The following CAB39 variants were observed in gnomAD, a reference collection of about 807,000 sequenced individuals.
CAB39 encodes calcium binding protein 39.
Under a neutral mutation model 40.0 loss-of-function variants are expected in CAB39, and 8 were observed. The observed-to-expected ratio is 0.20, with a 90% CI of 0.12 to 0.36. The LOEUF is 0.36. CAB39 is among the 10% of genes least tolerant of loss of function. The pLI is 1.00. For missense variants in CAB39, 270 were observed against 401.1 expected (o/e 0.67, Z 2.79); for synonymous variants, 156 against 141.6 (o/e 1.10, Z -0.72).
intron 1 of CAB39, among the ~76,000 whole-genome samples, chr2:230,759,218 TTC>T (rs1695247322): frequency 6.6e-6 from 1 of 152,178 alleles, no homozygotes; most frequent in Non-Finnish European, 1.5e-5. Context: ...CTGTCCAGGC[TTC>T]TCTCTAGCTC....
chr2:230,717,353 G>T (rs908698073), intron 1 of CAB39, among the ~76,000 whole-genome samples: 4 of 152,188 alleles, frequency 2.6e-5, no homozygotes, highest in Non-Finnish European at 5.9e-5. Flanking sequence ...TTGTATTAGA[G>T]CCTTCTTTAA....
intron 3 of CAB39, among the ~76,000 whole-genome samples, chr2:230,791,792 A>G (rs73995149): frequency 0.054 from 8,297 of 152,272 alleles, 776 homozygotes; most frequent in African/African-American, 0.19. Context: ...GGATCATGCT[A>G]TGTTAAATAT....
chr2:230,767,582 G>A (rs988261939), intron 2 of CAB39, among the ~76,000 whole-genome samples: 7 of 152,242 alleles, frequency 4.6e-5, no homozygotes, highest in African/African-American at 1.4e-4. Flanking sequence ...TATCAATCTC[G>A]TGAGCTAAGA....
intron 1 of CAB39, among the ~76,000 whole-genome samples, chr2:230,729,596 CA>C (rs1314904229): frequency 1.3e-5 from 2 of 151,624 alleles, no homozygotes; most frequent in Admixed American, 1.3e-4. Flanking sequence ...ACTAAAAATA[CA>C]AAAAAATCAG....
chr2:230,819,667 A>T lies in CAB39; in HGVS notation c.*963A>T, dbSNP rs1696471841. On this transcript the variant is annotated 3_prime_UTR_variant, in exon 9 of 9. Coordinates refer to ENST00000258418, the MANE Select transcript of CAB39 (RefSeq NM_016289.4). ...CATTTAAGTATCACAGCATTAAAAGAAAAAGAAAGTAAACCAGTCCTTTGT... is the reference window on the plus strand; with the variant it reads ...CATTTAAGTATCACAGCATTAAAAGTAAAAGAAAGTAAACCAGTCCTTTGT... 1 of 152,602 alleles carries T rather than the reference A, an allele frequency of 6.6e-6. No homozygotes were observed. The highest frequency in any genetic ancestry group is 2.1e-4 in the South Asian group (1 of 4,830). 9.5% of individuals were successfully genotyped at this position (152,602 alleles called of 1,614,324 possible).
rs184278166 is a variant in CAB39 at position 230,793,371 on chromosome 2, A to G, written c.398+40A>G. 5.6e-4 allele frequency: 563 copies of G among 998,230 alleles called. 2 individuals are homozygous for G. The highest frequency in any genetic ancestry group is 3.7e-3 in the African/African-American group (226 of 60,602). The allele number at this position is 998,230 out of a possible 1,614,324, so 61.8% of individuals were successfully genotyped here. A position where few individuals can be genotyped will look rare whatever the true frequency, so the allele number is the denominator to read the frequency against. ...ATAAAATTTGTATTCTCAGTTGAAC[A>G]TAAAGGAAGGATTGCCTTGGGAAAA... On this transcript the variant is annotated intron_variant, in intron 4 of 8. Coordinates refer to ENST00000258418, the MANE Select transcript of CAB39 (RefSeq NM_016289.4).
intron 1 of CAB39, among the ~76,000 whole-genome samples, chr2:230,723,402 T>C (rs1305591783): frequency 1.3e-5 from 2 of 152,174 alleles, no homozygotes; most frequent in Non-Finnish European, 1.5e-5. Flanking sequence ...ATGTTAAGGT[T>C]GAACCTCCCC....
At chr2:230,756,205 T>C (rs1254704312) in intron 1 of CAB39, among the ~76,000 whole-genome samples, 1 of 152,244 alleles carries the variant, frequency 6.6e-6, no homozygotes, top group East Asian at 1.9e-4. Flanking sequence ...TTTGTCATTG[T>C]GCAAACATCA....
intron 2 of CAB39, among the ~76,000 whole-genome samples, chr2:230,788,874 T>C (rs1484900844): frequency 6.6e-6 from 1 of 152,202 alleles, no homozygotes; most frequent in Non-Finnish European, 1.5e-5. Context: ...TGCCTTGGTA[T>C]TGTCTTCTTG....
intron 4 of CAB39, 55 bp from the exon 5 acceptor site, chr2:230,798,674 A>G: frequency 6.8e-7 from 1 of 1,477,266 alleles, no homozygotes; most frequent in South Asian, 1.3e-5. Context: ...TCAGTGTTGG[A>G]GTTTTGAAAA....
intron 1 of CAB39, among the ~76,000 whole-genome samples, chr2:230,758,264 C>T (rs182941591): frequency 7.8e-4 from 114 of 145,466 alleles, no homozygotes; most frequent in Admixed American, 2.7e-3. Flanking sequence ...GATTGCGCTG[C>T]TGCACTCCAA....
intron 2 of CAB39, among the ~76,000 whole-genome samples, chr2:230,788,311 A>G (rs1225472283): frequency 6.7e-6 from 1 of 150,204 alleles, no homozygotes; most frequent in Non-Finnish European, 1.5e-5. Flanking sequence ...ACTATAGTCT[A>G]TCTTCAGGAA....
At position 230,819,082 on chromosome 2, in the gene CAB39, G is replaced by T. The variant is rs1473584348; in HGVS notation, c.*378G>T. On this transcript the variant is annotated 3_prime_UTR_variant, in exon 9 of 9. Coordinates refer to ENST00000258418, the MANE Select transcript of CAB39 (RefSeq NM_016289.4). ...TTGTTGGCGATCTGAGTGCAGTGTG[G>T]CAAGTGCACACCTGGCATCCCTGCG... 6.2e-6 allele frequency: 1 copy of T among 161,814 alleles called. No homozygotes were observed. Among genetic ancestry groups the T allele is most frequent in the East Asian group, 1.8e-4 (1 of 5,464 alleles). The allele number at this position is 161,814 out of a possible 1,614,324, so 10.0% of individuals were successfully genotyped here.
chr2:230,746,052 T>A (rs1262433832), intron 1 of CAB39, among the ~76,000 whole-genome samples: 6 of 152,238 alleles, frequency 3.9e-5, no homozygotes, highest in Admixed American at 3.9e-4. Context: ...ACAAAGTCAC[T>A]CAGCAAACAT....
intron 1 of CAB39, among the ~76,000 whole-genome samples, chr2:230,730,232 T>C (rs1030374341): frequency 6.6e-6 from 1 of 152,084 alleles, no homozygotes; most frequent in African/African-American, 2.4e-5. Flanking sequence ...CCTCAGCCTC[T>C]CGAGTAGCTG....
Position 230,778,375 on chromosome 2 carries a change from T to C in CAB39, c.115-12497T>C, listed in dbSNP as rs1386877005. 4.6e-5 allele frequency among the ~76,000 whole-genome samples: 7 copies of C among 152,212 alleles called. No individual in the cohort carries two copies. In the East Asian group the frequency reaches 1.3e-3, roughly 29 times the overall value. ...CTGTGAGTACTTCAAGGACATTGCA[T>C]AGAAGCACTAATGGGTATGTGAGCT... On this transcript the variant is annotated intron_variant, in intron 2 of 8. Transcript: ENST00000258418.
At chr2:230,803,836 T>A (rs972954098) in intron 5 of CAB39, among the ~76,000 whole-genome samples, 6 of 152,194 alleles carry the variant, frequency 3.9e-5, no homozygotes, top group African/African-American at 1.4e-4. Context: ...AGGTAATTTA[T>A]AGATTCAATG....
intron 1 of CAB39, among the ~76,000 whole-genome samples, chr2:230,730,087 A>G (rs986912297): frequency 1.3e-5 from 2 of 152,176 alleles, no homozygotes; most frequent in Non-Finnish European, 2.9e-5. Flanking sequence ...ACATTAGTGG[A>G]GAAAAAGGAT....
intron 1 of CAB39, among the ~76,000 whole-genome samples, chr2:230,714,571 A>G (rs1694315768): frequency 6.6e-6 from 1 of 152,234 alleles, no homozygotes. Context: ...AGGCGTATGT[A>G]CTTTGGAATT....
Sources: allele counts gnomAD v4.1 joint callset (sites outside exome capture counted in the v4.1 genomes callset), GRCh38; gene constraint gnomAD v4.1.1; transcripts MANE v1.5; gene names NCBI Gene and HGNC (gene_info 2026-07-23, HGNC 2026-07-21).